Variants in ARFGEF3 observed in about 807,000 individuals in gnomAD.
ARFGEF3 encodes the protein brefeldin A-inhibited guanine nucleotide-exchange protein 3.
ARFGEF3 carries 96 observed loss-of-function variants against 221.7 expected under a neutral mutation model. That is an observed-to-expected ratio of 0.43 (90% CI 0.37 to 0.51). The LOEUF is 0.51. ARFGEF3 is among the 20% of genes least tolerant of loss of function. The pLI is 0.00. For missense variants in ARFGEF3, 2,410 were observed against 2,789.9 expected (o/e 0.86, Z 3.07); for synonymous variants, 1,145 against 1,126.8 (o/e 1.02, Z -0.32).
intron 32 of ARFGEF3, among the ~76,000 whole-genome samples, chr6:138,333,527 C>T (rs1780261984): frequency 6.6e-6 from 1 of 152,122 alleles, no homozygotes; most frequent in African/African-American, 2.4e-5. Context: ...CTGCAAGCTC[C>T]ACCTCCCGGG....
chr6:138,238,432 T>C, intron 5 of ARFGEF3, 77 bp from the exon 6 acceptor site: 1 of 1,496,818 alleles, frequency 6.7e-7, no homozygotes, highest in Non-Finnish European at 9.1e-7. Context: ...TGATATCCTC[T>C]CTGGTCAATC....
intron 1 of ARFGEF3, among the ~76,000 whole-genome samples, chr6:138,164,909 T>C (rs1307271401): frequency 1.3e-5 from 2 of 152,120 alleles, no homozygotes; most frequent in African/African-American, 4.8e-5. Context: ...GGTCAACCGC[T>C]ACTTAGGTCA....
chr6:138,221,461 A>G (rs1562358716), intron 4 of ARFGEF3, among the ~76,000 whole-genome samples: 2 of 152,226 alleles, frequency 1.3e-5, no homozygotes, highest in Admixed American at 1.3e-4. Context: ...TAATATGTCA[A>G]TATTTATTTG....
At chr6:138,204,350 A>C (rs1435335398) in intron 2 of ARFGEF3, among the ~76,000 whole-genome samples, 2 of 151,216 alleles carry the variant, frequency 1.3e-5, no homozygotes, top group African/African-American at 4.9e-5. Context: ...AAAAAAAAAA[A>C]AAAAAAAAAA....
chr6:138,257,927 T>C (rs1778716037), intron 10 of ARFGEF3, among the ~76,000 whole-genome samples: 2 of 152,230 alleles, frequency 1.3e-5, no homozygotes, highest in South Asian at 4.1e-4. Flanking sequence ...ATATGTGGTG[T>C]ACTTATTGCT....
chr6:138,311,291 C>T, intron 24 of ARFGEF3, 116 bp from the exon 25 acceptor site: 1 of 637,636 alleles, frequency 1.6e-6, no homozygotes, highest in East Asian at 2.8e-5. Context: ...CCTTTTCTCC[C>T]ACTCTCTTTT....
chr6:138,178,136 C>T (rs567358852), intron 2 of ARFGEF3, among the ~76,000 whole-genome samples: 3 of 152,100 alleles, frequency 2.0e-5, no homozygotes, highest in East Asian at 1.9e-4. Context: ...CTTTTTCTCT[C>T]GAAGATGTGA....
chr6:138,184,713 T>A (rs1777148625), intron 2 of ARFGEF3, among the ~76,000 whole-genome samples: 1 of 152,248 alleles, frequency 6.6e-6, no homozygotes, highest in Admixed American at 6.5e-5. Flanking sequence ...AATTGGAATC[T>A]AATGTTGCTC....
At chr6:138,278,372 G>A (rs1779135005) in intron 12 of ARFGEF3, 79 bp from the exon 13 acceptor site, 2 of 1,289,088 alleles carry the variant, frequency 1.6e-6, no homozygotes, top group Admixed American at 1.8e-5. Flanking sequence ...CTCTCACGAT[G>A]GGTTCGCAGC....
rs77890152 is a variant in ARFGEF3 at position 138,243,236 on chromosome 6, C to T, written c.586+242C>T. 5.8e-3 allele frequency among the ~76,000 whole-genome samples: 877 copies of T among 152,286 alleles called. 6 individuals are homozygous for T. Among genetic ancestry groups the T allele is most frequent in the Non-Finnish European group, 8.1e-3 (548 of 68,022 alleles). ...GATCTAACTACCTGAGGGAAATTAA[C>T]GCTTCACATACCTCTCATTTGGAGG... On this transcript the variant is annotated intron_variant, in intron 7 of 33. Coordinates refer to ENST00000251691, the MANE Select transcript of ARFGEF3 (RefSeq NM_020340.5).
chr6:138,232,139 G>C (rs1344564838), intron 5 of ARFGEF3, among the ~76,000 whole-genome samples: 1 of 152,162 alleles, frequency 6.6e-6, no homozygotes, highest in Non-Finnish European at 1.5e-5. Flanking sequence ...CAGATATGTT[G>C]AGTTTTCCAA....
chr6:138,265,308 G>A (rs1778874214), intron 12 of ARFGEF3, among the ~76,000 whole-genome samples: 1 of 152,298 alleles, frequency 6.6e-6, no homozygotes, highest in South Asian at 2.1e-4. Context: ...AGGATGTAAA[G>A]AGACATGATT....
chr6:138,332,043 A>G (rs900495330), intron 32 of ARFGEF3, among the ~76,000 whole-genome samples: 6 of 152,076 alleles, frequency 3.9e-5, no homozygotes, highest in Admixed American at 1.3e-4. Flanking sequence ...CAATTCAGAC[A>G]TGGCTTTGCA....
At chr6:138,222,989 CCTCA>C (rs1778008721) in intron 4 of ARFGEF3, among the ~76,000 whole-genome samples, 1 of 152,176 alleles carries the variant, frequency 6.6e-6, no homozygotes, top group African/African-American at 2.4e-5. Context: ...TCCATCCCTC[CCTCA>C]CTCCAAAGAC....
At chr6:138,240,821 A>G (rs1778381452) in intron 6 of ARFGEF3, among the ~76,000 whole-genome samples, 1 of 152,158 alleles carries the variant, frequency 6.6e-6, no homozygotes, top group South Asian at 2.1e-4. Flanking sequence ...AAAGCTCTTA[A>G]AGTGGAATCA....
At chr6:138,218,547 C>G in intron 4 of ARFGEF3, 1 of 1,287,574 alleles carries the variant, frequency 7.8e-7, no homozygotes, top group South Asian at 1.8e-5. Flanking sequence ...TTTAGCTGAG[C>G]CAATGTTTCT....
At chr6:138,271,733 C>A (rs1366063513) in intron 12 of ARFGEF3, among the ~76,000 whole-genome samples, 1 of 152,182 alleles carries the variant, frequency 6.6e-6, no homozygotes, top group East Asian at 1.9e-4. Context: ...TTGTAACTTA[C>A]TTTCTAGTTA....
rs771800270 is a variant in ARFGEF3, at chr6:138,324,011, G to C, written c.4870-12G>C. 58 of 1,611,750 alleles carry C rather than the reference G, an allele frequency of 3.6e-5. No individual in the cohort carries two copies. Among genetic ancestry groups the C allele is most frequent in the Non-Finnish European group, 4.7e-5 (55 of 1,178,616 alleles). On this transcript the variant is annotated splice_polypyrimidine_tract_variant and intron_variant, in intron 30 of 33. Coordinates refer to ENST00000251691, the MANE Select transcript of ARFGEF3 (RefSeq NM_020340.5). ...AGGATGCATTCAGTGAGCATCTGCT[G>C]TTTCTCCCCAGGACCTGCTGGGCTG... is the stretch of plus-strand genomic sequence containing the variant.
At position 138,287,080 on chromosome 6, in the gene ARFGEF3, C is replaced by T. The variant is rs1006895093; in HGVS notation, c.2792C>T (p.Ala931Val). The change falls in exon 17 of 34, where the codon GCT (alanine) becomes GTT (valine). Residue 931 changes from alanine to valine, a missense_variant. Transcript: ENST00000251691. ...TTGTGTGTCTCCTCTGAAGGCGTTG[C>T]TGCTAACTGCGCCTCAGCCCTTGCC... ...AARLSCALGV[A>V]ANCASALAQM... The T allele has an allele frequency of 6.4e-7, 1 of 1,570,648 alleles. No homozygotes were observed. The highest frequency in any genetic ancestry group is 1.9e-5 in the Admixed American group (1 of 53,046).
Sources: allele counts gnomAD v4.1 joint callset (sites outside exome capture counted in the v4.1 genomes callset), GRCh38; gene constraint gnomAD v4.1.1; transcripts MANE v1.5; gene names NCBI Gene and HGNC (gene_info 2026-07-23, HGNC 2026-07-21).